The following MACROD1 variants were observed in gnomAD, a reference collection of about 807,000 sequenced individuals.
The protein encoded by MACROD1 is ADP-ribose glycohydrolase MACROD1.
In MACROD1, 31 loss-of-function variants were observed where a neutral mutation model predicts 41.4. That is an observed-to-expected ratio of 0.75 (90% CI 0.56 to 1.01). The LOEUF is 1.01. Among genes scored for constraint, MACROD1 ranks in the 50% least tolerant of loss-of-function variants. MACROD1 has a pLI of 0.00. For synonymous variants in MACROD1, 252 were observed against 203.4 expected, an observed-to-expected ratio of 1.24 and a Z score of -2.03; for missense variants, 473 against 460.0, an observed-to-expected ratio of 1.03 and a Z score of -0.26.
chr11:63,999,087 G>A lies in MACROD1; in HGVS notation c.892-51C>T, dbSNP rs1674382963. On this transcript the variant is annotated intron_variant, in intron 8 of 10. Transcript: ENST00000255681. ...GCCGAGCTGCCACGCCTGGCCCCAG[G>A]ATCCTGTGACTGCCTGCCCTGGTGC... 8.5e-6 allele frequency: 13 copies of A among 1,521,212 alleles called. 1 individual carries two copies. The highest frequency in any genetic ancestry group is 1.2e-5 in the Non-Finnish European group (13 of 1,128,200). 94.2% of individuals were successfully genotyped at this position (1,521,212 alleles called of 1,614,324 possible). A position where few individuals can be genotyped will look rare whatever the true frequency, so the allele number is the denominator to read the frequency against.
chr11:64,078,238 A>AG (rs1162590553), intron 3 of MACROD1, among the ~76,000 whole-genome samples: 2 of 152,144 alleles, frequency 1.3e-5, no homozygotes, highest in Non-Finnish European at 2.9e-5. Flanking sequence ...GCCCTCCAGA[A>AG]GGGAGGTGGG....
At chr11:64,162,204 C>T (rs148446084) in intron 1 of MACROD1, among the ~76,000 whole-genome samples, 2,094 of 152,120 alleles carry the variant, frequency 0.014, 30 homozygotes, top group South Asian at 0.088. Flanking sequence ...ATTAGCTAGG[C>T]GTGGTGGCGT....
chr11:64,117,518 A>G, intron 3 of MACROD1: 1 of 1,605,984 alleles, frequency 6.2e-7, no homozygotes, highest in Non-Finnish European at 8.5e-7. Context: ...CCAAAAGGCC[A>G]GGGCTGCGCC....
chr11:64,118,066 A>G lies in MACROD1; in HGVS notation c.517+33173T>C, dbSNP rs368223580. The G allele has an allele frequency of 3.0e-4, 484 of 1,613,068 alleles. 7 individuals are homozygous for G. The South Asian group carries it at 4.2e-3, about 14-fold the overall frequency. On this transcript the variant is annotated intron_variant, in intron 3 of 10. Transcript: ENST00000255681. ...CGGGGCAGCAGGAAAAAGGATGACT[A>G]TATGGAGTCAGGGACCAAGAAGGAT...
At chr11:64,022,725 C>T (rs1034795213) in intron 3 of MACROD1, among the ~76,000 whole-genome samples, 4 of 152,168 alleles carry the variant, frequency 2.6e-5, no homozygotes, top group African/African-American at 4.8e-5. Context: ...CACTGTCCTC[C>T]GTGGTAGGGC....
chr11:64,099,870 TGGAG>T (rs1489712569), intron 3 of MACROD1, among the ~76,000 whole-genome samples: 1 of 149,918 alleles, frequency 6.7e-6, no homozygotes, highest in Non-Finnish European at 1.5e-5. Flanking sequence ...AATGGTGAGA[TGGAG>T]GGATCGAGAA....
rs557186525 is a variant in MACROD1, at chr11:64,061,492, C to T, written c.518-46211G>A. Among the ~76,000 whole-genome samples the T allele has an allele frequency of 2.6e-5, 4 of 152,288 alleles. No homozygotes were observed. In the South Asian group the frequency reaches 8.3e-4, roughly 32 times the overall value. The stretch of plus-strand genomic sequence containing the variant: ...AGTCCCCTGCCTCTGACCCCGCAGT[C>T]CCCAGGCAGCTCCTCCCCGGCTCTG... On this transcript the variant is annotated intron_variant, in intron 3 of 10. Transcript: ENST00000255681.
chr11:64,165,959 T>C lies in MACROD1; in HGVS notation c.36A>G (p.Ala12=), dbSNP rs1057088721. The change falls in exon 1 of 11, where the codon GCA becomes GCG. Residue 12 remains alanine, a synonymous_variant. Transcript: ENST00000255681. ...SLQSRLSGRL[A]QLRAAGQLLV... ...GCAGCTGCCCCGCCGCGCGCAGCTG[T>C]GCCAGGCGGCCGGACAGTCGGCTCT... 58 of 1,299,950 alleles carry C rather than the reference T, an allele frequency of 4.5e-5. No individual in the cohort carries two copies. The highest frequency in any genetic ancestry group is 3.3e-4 in the Admixed American group (8 of 23,930). 80.5% of individuals were successfully genotyped at this position (1,299,950 alleles called of 1,614,324 possible).
At chr11:63,999,870 C>G in intron 5 of MACROD1, 107 bp from the exon 6 acceptor site, 1 of 1,298,398 alleles carries the variant, frequency 7.7e-7, no homozygotes, top group South Asian at 1.5e-5. Context: ...CCTTTCCCCC[C>G]AAGCGCTGAG....
intron 3 of MACROD1, among the ~76,000 whole-genome samples, chr11:64,079,737 C>T (rs934779691): frequency 2.6e-5 from 4 of 151,954 alleles, no homozygotes; most frequent in Admixed American, 2.0e-4. Context: ...GTGGGGCGCA[C>T]GCTCAGAGAA....
chr11:64,032,279 C>T (rs956904992), intron 3 of MACROD1, among the ~76,000 whole-genome samples: 4 of 152,204 alleles, frequency 2.6e-5, no homozygotes, highest in South Asian at 2.1e-4. Context: ...TCACTGTATA[C>T]GAAGCACTTT....
chr11:64,099,808 G>T (rs1944640320), intron 3 of MACROD1, among the ~76,000 whole-genome samples: 1 of 151,896 alleles, frequency 6.6e-6, no homozygotes, highest in Non-Finnish European at 1.5e-5. Context: ...AGGATGGACG[G>T]ATGGAGAGGT....
At chr11:64,065,789 CAAAAA>C (rs58096977) in intron 3 of MACROD1, among the ~76,000 whole-genome samples, 1 of 67,564 alleles carries the variant, frequency 1.5e-5, no homozygotes. Context: ...GACTCCGCCT[CAAAAA>C]AAAAAAAAAA....
At chr11:64,119,445 C>A (rs1002610444) in intron 3 of MACROD1, among the ~76,000 whole-genome samples, 21 of 152,178 alleles carry the variant, frequency 1.4e-4, no homozygotes, top group Admixed American at 9.2e-4. Flanking sequence ...CGTGCAATCA[C>A]CTTAACAGCT....
chr11:64,040,120 A>T (rs1423143022), intron 3 of MACROD1, among the ~76,000 whole-genome samples: 1 of 152,260 alleles, frequency 6.6e-6, no homozygotes, highest in Non-Finnish European at 1.5e-5. Context: ...AGTGGGGAAC[A>T]AAAGCAGTGG....
chr11:64,056,307 C>T (rs1032468286), intron 3 of MACROD1, among the ~76,000 whole-genome samples: 4 of 152,126 alleles, frequency 2.6e-5, no homozygotes, highest in Admixed American at 1.3e-4. Context: ...AGCCCCTACA[C>T]GTTTTGCTTC....
chr11:64,088,911 C>T (rs537917769), intron 3 of MACROD1, among the ~76,000 whole-genome samples: 3 of 152,106 alleles, frequency 2.0e-5, no homozygotes, highest in African/African-American at 7.2e-5. Flanking sequence ...AAGTCATGGG[C>T]GGGGTTAGGA....
At chr11:64,117,385 G>A (rs750357914) in intron 3 of MACROD1, 2 of 1,612,282 alleles carry the variant, frequency 1.2e-6, no homozygotes, top group Non-Finnish European at 1.7e-6. Context: ...GACATTACCA[G>A]CGAGATGGAC....
intron 1 of MACROD1, among the ~76,000 whole-genome samples, chr11:64,157,401 A>G (rs2134722395): frequency 6.6e-6 from 1 of 152,280 alleles, no homozygotes; most frequent in African/African-American, 2.4e-5. Context: ...GCCTTGCCCC[A>G]TGAATTTCTA....
Sources: allele counts gnomAD v4.1 joint callset (sites outside exome capture counted in the v4.1 genomes callset), GRCh38; gene constraint gnomAD v4.1.1; transcripts MANE v1.5; gene names NCBI Gene and HGNC (gene_info 2026-07-23, HGNC 2026-07-21).